FRY: variants seen among roughly 807,000 people sequenced by gnomAD.
FRY encodes the protein protein furry homolog.
In FRY, 128 loss-of-function variants were observed where a neutral mutation model predicts 348.4. That is an observed-to-expected ratio of 0.37 (90% CI 0.32 to 0.43). The LOEUF is 0.43. FRY is among the 20% of genes least tolerant of loss of function. The pLI is 1.00. For missense variants in FRY, 2,736 were observed against 3,695.2 expected (o/e 0.74, Z 6.73); for synonymous variants, 1,370 against 1,374.7 (o/e 1.00, Z 0.08).
At position 32,173,411 on chromosome 13, in the gene FRY, T is replaced by A. The variant is rs771028508; in HGVS notation, c.2196T>A (p.Gly732=). ...GTCACAGAATTCAGTCGGAACGAGG[T>A]CCCCACTGCAGTGTACTCCACGCTG... ...GSSHRIQSER[G]PHCSVLHAVE... The change falls in exon 19 of 61, where the codon GGT becomes GGA. Residue 732 remains glycine (G), a synonymous_variant. Transcript: ENST00000542859. 6.2e-7 allele frequency: 1 copy of A among 1,612,342 alleles called. No individual in the cohort carries two copies. The highest frequency in any genetic ancestry group is 8.5e-7 in the Non-Finnish European group (1 of 1,179,830).
At chr13:32,035,742 A>G (rs1043812802) in intron 1 of FRY, among the ~76,000 whole-genome samples, 1 of 152,222 alleles carries the variant, frequency 6.6e-6, no homozygotes, top group African/African-American at 2.4e-5. Flanking sequence ...CCATCGAGGG[A>G]AACTTTTGAA....
chr13:32,153,981 T>C (rs563689371), intron 14 of FRY, among the ~76,000 whole-genome samples: 1 of 152,318 alleles, frequency 6.6e-6, no homozygotes, highest in Non-Finnish European at 1.5e-5. Context: ...AACTATCCCA[T>C]CTTATTTCTG....
intron 1 of FRY, among the ~76,000 whole-genome samples, chr13:32,047,869 G>A (rs550218393): frequency 2.6e-5 from 4 of 152,236 alleles, no homozygotes; most frequent in East Asian, 1.9e-4. Context: ...CACCACACCC[G>A]GCCCAGTTAC....
At chr13:32,129,175 A>G (rs1468888728) in intron 7 of FRY, among the ~76,000 whole-genome samples, 4 of 152,224 alleles carry the variant, frequency 2.6e-5, no homozygotes, top group Non-Finnish European at 5.9e-5. Flanking sequence ...TTTTAACTTA[A>G]TAACTTAGCT....
intron 48 of FRY, 23 bp from the exon 49 acceptor site, chr13:32,249,503 T>C (rs202103680): frequency 1.2e-6 from 2 of 1,613,480 alleles, no homozygotes; most frequent in East Asian, 4.5e-5. Context: ...GACAGAATAA[T>C]GTGCGTTTGT....
intron 3 of FRY, among the ~76,000 whole-genome samples, chr13:32,109,952 G>A (rs1372524278): frequency 3.9e-5 from 6 of 152,148 alleles, no homozygotes; most frequent in African/African-American, 1.2e-4. Flanking sequence ...GAAGTCTAGA[G>A]ATAGTGCTCT....
intron 16 of FRY, among the ~76,000 whole-genome samples, chr13:32,158,323 A>G (rs1881235863): frequency 6.6e-6 from 1 of 152,224 alleles, no homozygotes; most frequent in Non-Finnish European, 1.5e-5. Context: ...TCCTTATGTC[A>G]ATACAAATGT....
At chr13:32,174,015 G>A (rs1882240635) in intron 19 of FRY, among the ~76,000 whole-genome samples, 1 of 152,170 alleles carries the variant, frequency 6.6e-6, no homozygotes. Flanking sequence ...TCTTGAAATG[G>A]GAGAAGGAAG....
intron 36 of FRY, among the ~76,000 whole-genome samples, chr13:32,220,985 T>C (rs1030184164): frequency 2.0e-5 from 3 of 152,174 alleles, no homozygotes; most frequent in African/African-American, 7.2e-5. Flanking sequence ...GCTAAAATTG[T>C]TGTGGCCAAG....
At chr13:32,154,573 G>A (rs1593674808) in intron 14 of FRY, among the ~76,000 whole-genome samples, 1 of 152,122 alleles carries the variant, frequency 6.6e-6, no homozygotes, top group African/African-American at 2.4e-5. Flanking sequence ...CTGTAAAGTG[G>A]GAATACCTTC....
At chr13:32,283,442 A>G (rs913300055) in intron 58 of FRY, among the ~76,000 whole-genome samples, 2 of 152,220 alleles carry the variant, frequency 1.3e-5, no homozygotes, top group Admixed American at 6.5e-5. Context: ...CAAAATGAAG[A>G]ATAAAGCTAG....
intron 20 of FRY, among the ~76,000 whole-genome samples, chr13:32,176,828 T>A (rs1206876402): frequency 2.6e-5 from 4 of 152,176 alleles, no homozygotes; most frequent in Non-Finnish European, 5.9e-5. Flanking sequence ...GTGCCAGGTG[T>A]TTTTACAGCT....
At position 32,182,996 on chromosome 13, in the gene FRY, C is replaced by A. The variant is rs1593707586; in HGVS notation, c.3016C>A (p.His1006Asn). 1 of 1,605,278 alleles carries A rather than the reference C, an allele frequency of 6.2e-7. No individual in the cohort carries two copies. Among genetic ancestry groups the A allele is most frequent in the South Asian group, 1.1e-5 (1 of 90,548 alleles). Residue 1006 changes from histidine (H) to asparagine (N), a missense_variant, in exon 24 of 61, where the codon CAT (histidine) becomes AAT (asparagine). Around this residue, in one of 9 missense-constraint regions of FRY, gnomAD observed 449 missense variants for 576.9 expected, o/e 0.78. Coordinates refer to ENST00000542859, the MANE Select transcript of FRY (RefSeq NM_023037.3). Reference sequence around the variant, plus strand: ...CCACAGAGAATTGGTAGAAGAACTTCATCCATTAATGAAAGAAGCTCTGGA... The same window carrying A: ...CCACAGAGAATTGGTAGAAGAACTTAATCCATTAATGAAAGAAGCTCTGGA... ...LVFRELVEEL[H>N]PLMKEALERR...
At position 32,051,239 on chromosome 13, in the gene FRY, G is replaced by A. The variant is rs186672486; in HGVS notation, c.70+19374G>A. 7.9e-5 allele frequency among the ~76,000 whole-genome samples: 12 copies of A among 152,282 alleles called. 1 individual carries two copies. The East Asian group carries it at 2.3e-3, about 29-fold the overall frequency. On this transcript the variant is annotated intron_variant, in intron 1 of 60. Coordinates refer to ENST00000542859, the MANE Select transcript of FRY (RefSeq NM_023037.3). ...GGTTAAGGGAGGTTTTGTGGTATAA[G>A]TGGGACTTTTACAAGGTCTTTGAAG... is the stretch of plus-strand genomic sequence containing the variant.
intron 55 of FRY, among the ~76,000 whole-genome samples, chr13:32,272,483 C>A (rs963669297): frequency 6.6e-6 from 1 of 152,076 alleles, no homozygotes; most frequent in Non-Finnish European, 1.5e-5. Flanking sequence ...CACAAGAAAA[C>A]AAAACTGAAT....
intron 1 of FRY, among the ~76,000 whole-genome samples, chr13:32,049,983 T>G (rs541379338): frequency 4.3e-4 from 65 of 152,370 alleles, no homozygotes; most frequent in Middle Eastern, 3.4e-3. Flanking sequence ...GCGTTGAGGT[T>G]AAAAGGTGAT....
chr13:32,230,789 T>C (rs1342687415), intron 40 of FRY, among the ~76,000 whole-genome samples: 1 of 152,238 alleles, frequency 6.6e-6, no homozygotes, highest in Non-Finnish European at 1.5e-5. Context: ...TGTAAAAGCC[T>C]TCCTTTTTCT....
intron 3 of FRY, among the ~76,000 whole-genome samples, chr13:32,106,164 A>G (rs1022765280): frequency 7.4e-5 from 11 of 148,286 alleles, no homozygotes; most frequent in African/African-American, 2.7e-4. Context: ...ATTAATATTA[A>G]TACACTATTA....
intron 19 of FRY, 61 bp downstream of exon 19, chr13:32,173,610 T>A: frequency 1.6e-6 from 2 of 1,219,864 alleles, no homozygotes; most frequent in Non-Finnish European, 1.2e-6. Context: ...AAATTTAGAT[T>A]AAAAACTACA....
Sources: allele counts gnomAD v4.1 joint callset (sites outside exome capture counted in the v4.1 genomes callset), GRCh38; gene constraint gnomAD v4.1.1; regional missense constraint gnomAD v4.1.1; transcripts MANE v1.5; gene names NCBI Gene and HGNC (gene_info 2026-07-23, HGNC 2026-07-21).